The following SUCLG2 variants were observed in gnomAD, a reference collection of about 807,000 sequenced individuals.
The protein encoded by SUCLG2 is succinate--CoA ligase [GDP-forming] subunit beta, mitochondrial.
A neutral mutation model predicts 47.9 loss-of-function variants in SUCLG2; 42 were observed. The observed-to-expected ratio is 0.88, with a 90% CI of 0.69 to 1.14. The LOEUF is 1.14. SUCLG2 is among the 50% of genes most tolerant of loss of function. The probability of loss-of-function intolerance (pLI) is 0.00; values close to 1 mark genes in which losing one functional copy is unlikely to be tolerated. For missense variants in SUCLG2, 571 were observed against 525.9 expected, an observed-to-expected ratio of 1.09 and a Z score of -0.84; for synonymous variants, 195 against 197.3, an observed-to-expected ratio of 0.99 and a Z score of 0.10.
intron 10 of SUCLG2, among the ~76,000 whole-genome samples, chr3:67,366,864 C>G (rs1701883263): frequency 6.6e-6 from 1 of 152,082 alleles, no homozygotes. Context: ...TACACAATGC[C>G]TTTTTCTAAG....
chr3:67,409,678 T>C (rs533856216), intron 9 of SUCLG2, among the ~76,000 whole-genome samples: 51 of 152,206 alleles, frequency 3.4e-4, no homozygotes, highest in African/African-American at 1.2e-3. Flanking sequence ...TTAATAACTT[T>C]TACAAAGAAA....
rs571036358 is a variant in SUCLG2 at position 67,579,844 on chromosome 3, A to G, written c.226+29611T>C. ...TTAAAAAAATTAACTTACCTTGTTT[A>G]TAGGAAAACACATGACATTGAGTTA... is the stretch of plus-strand genomic sequence containing the variant. On this transcript the variant is annotated intron_variant, in intron 2 of 10. Transcript: ENST00000307227. 5.3e-5 allele frequency among the ~76,000 whole-genome samples: 8 copies of G among 152,356 alleles called. No individual in the cohort carries two copies. The South Asian group carries it at 8.3e-4, about 16-fold the overall frequency.
intron 2 of SUCLG2, among the ~76,000 whole-genome samples, chr3:67,607,522 G>A (rs916536401): frequency 1.3e-5 from 2 of 151,912 alleles, no homozygotes; most frequent in African/African-American, 4.8e-5. Flanking sequence ...AATCCAGACC[G>A]ACACCTACAA....
rs144376254 is a variant in SUCLG2 at position 67,641,048 on chromosome 3, A to T, written c.84+13455T>A. Among the ~76,000 whole-genome samples the T allele has an allele frequency of 1.7e-4, 26 of 152,290 alleles. No homozygotes were observed. In the East Asian group the frequency reaches 5.0e-3, roughly 29 times the overall value. On this transcript the variant is annotated intron_variant, in intron 1 of 10. Coordinates refer to ENST00000307227, the MANE Select transcript of SUCLG2 (RefSeq NM_003848.4). The stretch of plus-strand genomic sequence containing the variant: ...TGCTGGATTTACTTAAAATCAAAAT[A>T]AAAAAATACCAAAATTGATACATCT...
intron 9 of SUCLG2, among the ~76,000 whole-genome samples, chr3:67,430,104 TA>T (rs780633732): frequency 6.6e-6 from 1 of 152,174 alleles, no homozygotes; most frequent in Non-Finnish European, 1.5e-5. Context: ...GTGGACCTAA[TA>T]GACATCTACA....
At chr3:67,433,890 T>A (rs1304679685) in intron 9 of SUCLG2, among the ~76,000 whole-genome samples, 2 of 152,180 alleles carry the variant, frequency 1.3e-5, no homozygotes, top group Non-Finnish European at 2.9e-5. Flanking sequence ...TTAACTGTTT[T>A]CTTGCTGGTT....
intron 2 of SUCLG2, among the ~76,000 whole-genome samples, chr3:67,574,313 G>A (rs1366966779): frequency 2.6e-5 from 4 of 152,202 alleles, no homozygotes; most frequent in African/African-American, 9.6e-5. Context: ...ACAGGTTCCA[G>A]GGCTTACGAC....
intron 1 of SUCLG2, among the ~76,000 whole-genome samples, chr3:67,639,029 C>CTGCAAGGCAAGCTGGGAGATCCAGTA (rs1271711502): frequency 5.9e-5 from 9 of 152,156 alleles, no homozygotes; most frequent in Non-Finnish European, 1.2e-4. Flanking sequence ...CCTTGTCCAG[C>CTGCAAGGCAAGCTGGGAGATCCAGTA]TGCAAGGCAA....
chr3:67,431,187 C>T (rs1160789641), intron 9 of SUCLG2, among the ~76,000 whole-genome samples: 1 of 152,062 alleles, frequency 6.6e-6, no homozygotes, highest in Non-Finnish European at 1.5e-5. Context: ...TGATGAACAT[C>T]GAGGCAAAAA....
rs144674494 is a variant in SUCLG2 at position 67,399,326 on chromosome 3, T to C, written c.1183+1405A>G. 1.9e-4 allele frequency among the ~76,000 whole-genome samples: 29 copies of C among 152,320 alleles called. No individual in the cohort carries two copies. In the Middle Eastern group the frequency reaches 0.014, roughly 71 times the overall value. ...TTCTGAGGAAAAGTGTTCGTGCAACTGTCTGGGTATCAAGCTAAACTGCTC... is the reference window on the plus strand; with the variant it reads ...TTCTGAGGAAAAGTGTTCGTGCAACCGTCTGGGTATCAAGCTAAACTGCTC... On this transcript the variant is annotated intron_variant, in intron 10 of 10. Coordinates refer to ENST00000307227, the MANE Select transcript of SUCLG2 (RefSeq NM_003848.4).
intron 4 of SUCLG2, among the ~76,000 whole-genome samples, 164 bp from the exon 5 acceptor site, chr3:67,520,798 C>T (rs1212596577): frequency 6.6e-6 from 1 of 152,204 alleles, no homozygotes; most frequent in African/African-American, 2.4e-5. Context: ...ATGGTGCACA[C>T]AATGCCCATT....
In SUCLG2 at chr3:67,443,347, G is replaced by A. The variant is rs1161851889; in HGVS notation, c.1063-42496C>T. On this transcript the variant is annotated intron_variant, in intron 9 of 10. Transcript: ENST00000307227. The stretch of plus-strand genomic sequence containing the variant: ...CTGTCTCAGTCTTTGCCGCCGCGCC[G>A]GCGAGCGCCCCTCGGGAGGCAGCGG... Among the ~76,000 whole-genome samples the A allele has an allele frequency of 1.2e-4, 5 of 43,424 alleles. 2 individuals carry two copies. The highest frequency in any genetic ancestry group is 2.5e-4 in the African/African-American group (3 of 12,024). 28.5% of individuals were successfully genotyped at this position (43,424 alleles called of 152,430 possible). A position where few individuals can be genotyped will look rare whatever the true frequency, so the allele number is the denominator to read the frequency against.
chr3:67,529,059 G>A (rs1706331938), intron 3 of SUCLG2, 28 bp downstream of exon 3: 2 of 1,576,464 alleles, frequency 1.3e-6, no homozygotes. Flanking sequence ...TTGGCCAAAA[G>A]ACAAGGAATA....
intron 9 of SUCLG2, among the ~76,000 whole-genome samples, chr3:67,482,327 A>C (rs914794365): frequency 1.3e-5 from 2 of 152,212 alleles, no homozygotes; most frequent in African/African-American, 4.8e-5. Flanking sequence ...TTTCCGTCCT[A>C]TACCTTATTT....
intron 2 of SUCLG2, among the ~76,000 whole-genome samples, chr3:67,553,834 A>G (rs1464256875): frequency 1.3e-5 from 2 of 152,228 alleles, no homozygotes; most frequent in African/African-American, 2.4e-5. Context: ...AGTAGAATCA[A>G]TATCTACTTT....
intron 2 of SUCLG2, among the ~76,000 whole-genome samples, chr3:67,575,330 T>C (rs1267560499): frequency 2.6e-5 from 4 of 152,218 alleles, no homozygotes; most frequent in Non-Finnish European, 5.9e-5. Context: ...ATTATCCACA[T>C]AATAAAATAC....
intron 9 of SUCLG2, among the ~76,000 whole-genome samples, chr3:67,444,967 G>A (rs1196514347): frequency 1.9e-4 from 6 of 32,188 alleles, no homozygotes; most frequent in African/African-American, 4.9e-4. Flanking sequence ...CCCTCTGCCC[G>A]GCCAGCCGCC....
chr3:67,385,002 CTT>C (rs1197752717), intron 10 of SUCLG2, among the ~76,000 whole-genome samples: 12 of 152,218 alleles, frequency 7.9e-5, no homozygotes, highest in Non-Finnish European at 8.8e-5. Flanking sequence ...GCGGGACACA[CTT>C]AGCGTCTATA....
chr3:67,447,319 C>A (rs1294906495), intron 9 of SUCLG2, among the ~76,000 whole-genome samples: 3 of 152,044 alleles, frequency 2.0e-5, no homozygotes, highest in East Asian at 3.8e-4. Context: ...CAAGTCATTA[C>A]CAAAAAGTGA....
Sources: allele counts gnomAD v4.1 joint callset (sites outside exome capture counted in the v4.1 genomes callset), GRCh38; gene constraint gnomAD v4.1.1; transcripts MANE v1.5; gene names NCBI Gene and HGNC (gene_info 2026-07-23, HGNC 2026-07-21).